Variants in PDLIM5 observed in about 807,000 individuals in gnomAD.
The protein encoded by PDLIM5 is PDZ and LIM domain protein 5.
PDLIM5 carries 34 observed loss-of-function variants against 64.2 expected under a neutral mutation model. The ratio of observed to expected loss-of-function variants is 0.53; its 90% CI spans 0.40 to 0.71. The LOEUF is 0.71. PDLIM5 is among the 30% of genes least tolerant of loss of function. PDLIM5 has a pLI of 0.00. For synonymous variants in PDLIM5, 253 were observed against 269.1 expected, an observed-to-expected ratio of 0.94 and a Z score of 0.59; for missense variants, 683 against 733.6, an observed-to-expected ratio of 0.93 and a Z score of 0.80.
chr4:94,567,508 AT>A (rs35850642), intron 3 of PDLIM5, among the ~76,000 whole-genome samples: 92,328 of 148,052 alleles, frequency 0.62, 29,530 homozygotes, highest in African/African-American at 0.8. Context: ...GTACAGATTG[AT>A]TTTTTTTTTT....
intron 3 of PDLIM5, among the ~76,000 whole-genome samples, chr4:94,552,107 G>C (rs555379307): frequency 6.6e-6 from 1 of 152,212 alleles, no homozygotes; most frequent in South Asian, 2.1e-4. Flanking sequence ...TTGTAGCTAG[G>C]ATGAGCTGTG....
chr4:94,596,790 T>A (rs188617730), intron 7 of PDLIM5, among the ~76,000 whole-genome samples: 8 of 152,212 alleles, frequency 5.3e-5, no homozygotes, highest in Admixed American at 5.2e-4. Flanking sequence ...GTATAAAGCA[T>A]ATGACAGGTA....
intron 2 of PDLIM5, among the ~76,000 whole-genome samples, chr4:94,477,920 T>TC (rs1301484176): frequency 2.6e-4 from 39 of 152,206 alleles, no homozygotes; most frequent in Non-Finnish European, 2.9e-5. Context: ...GAATATTTTT[T>TC]CTCATGCTTT....
chr4:94,547,114 T>C (rs1319113516), intron 3 of PDLIM5, among the ~76,000 whole-genome samples: 1 of 152,092 alleles, frequency 6.6e-6, no homozygotes, highest in Non-Finnish European at 1.5e-5. Flanking sequence ...CTATAACATT[T>C]TCATAAAAGT....
rs558380661 is a variant in PDLIM5, at chr4:94,664,317, T to G, written c.*250T>G. 472 of 772,752 alleles carry G rather than the reference T, an allele frequency of 6.1e-4. 2 individuals carry two copies. The African/African-American group carries it at 8.2e-3, about 13-fold the overall frequency. 47.9% of individuals were successfully genotyped at this position (772,752 alleles called of 1,614,324 possible). ...TAAAATAAGCTTTATAAAAACCAAT[T>G]TCCTGATGGACTATTAAATTCATCT... On this transcript the variant is annotated 3_prime_UTR_variant, in exon 13 of 13. Transcript: ENST00000317968.
At chr4:94,573,465 TCTC>T in intron 4 of PDLIM5, 72 bp downstream of exon 4, 7 of 1,123,968 alleles carry the variant, frequency 6.2e-6, no homozygotes, top group Non-Finnish European at 9.6e-6. Context: ...CCCATTACTG[TCTC>T]AGACCATACT....
At chr4:94,590,587 G>A (rs1383484699) in intron 7 of PDLIM5, among the ~76,000 whole-genome samples, 1 of 152,168 alleles carries the variant, frequency 6.6e-6, no homozygotes, top group African/African-American at 2.4e-5. Flanking sequence ...AGTCAGGGAA[G>A]GATTACTTTA....
intron 7 of PDLIM5, among the ~76,000 whole-genome samples, chr4:94,612,219 A>G (rs1738426145): frequency 1.3e-5 from 2 of 152,244 alleles, no homozygotes; most frequent in African/African-American, 4.8e-5. Flanking sequence ...CTCTGTCTCA[A>G]AAAACAAAAA....
At chr4:94,498,513 C>T (rs990463734) in intron 2 of PDLIM5, among the ~76,000 whole-genome samples, 2 of 152,178 alleles carry the variant, frequency 1.3e-5, no homozygotes, top group Non-Finnish European at 2.9e-5. Flanking sequence ...AGAAGTAGCA[C>T]ATTTATGAGA....
chr4:94,488,462 T>A (rs1726553623), intron 2 of PDLIM5, among the ~76,000 whole-genome samples: 1 of 152,216 alleles, frequency 6.6e-6, no homozygotes, highest in Non-Finnish European at 1.5e-5. Flanking sequence ...ATAATTTTTT[T>A]AAAGTAAACC....
At chr4:94,587,621 G>T in intron 7 of PDLIM5, 1 of 975,756 alleles carries the variant, frequency 1.0e-6, no homozygotes, top group Non-Finnish European at 1.2e-6. Flanking sequence ...TGTAGATTTA[G>T]GTATCTTTTA....
At chr4:94,540,118 A>C (rs942357392) in intron 3 of PDLIM5, among the ~76,000 whole-genome samples, 1 of 149,900 alleles carries the variant, frequency 6.7e-6, no homozygotes, top group Non-Finnish European at 1.5e-5. Flanking sequence ...TGAGGCATAG[A>C]TGCTACTATT....
At chr4:94,486,364 G>C (rs1178336136) in intron 2 of PDLIM5, among the ~76,000 whole-genome samples, 2 of 152,132 alleles carry the variant, frequency 1.3e-5, no homozygotes, top group Non-Finnish European at 2.9e-5. Context: ...TTGTGAGTAG[G>C]ATACATTGAA....
intron 2 of PDLIM5, among the ~76,000 whole-genome samples, chr4:94,459,346 G>A (rs1578191054): frequency 6.6e-6 from 1 of 152,156 alleles, no homozygotes; most frequent in East Asian, 1.9e-4. Context: ...TAAGAATTAG[G>A]TCAAACTTTT....
chr4:94,480,038 T>G (rs566845018), intron 2 of PDLIM5, among the ~76,000 whole-genome samples: 45 of 152,308 alleles, frequency 3.0e-4, no homozygotes, highest in Middle Eastern at 3.4e-3. Flanking sequence ...TAGTAGAAGA[T>G]CACTAAATCA....
At chr4:94,611,530 A>G (rs1738366373) in intron 7 of PDLIM5, among the ~76,000 whole-genome samples, 1 of 152,244 alleles carries the variant, frequency 6.6e-6, no homozygotes, top group Admixed American at 6.5e-5. Flanking sequence ...TAGAATCCTC[A>G]AATGTTTGGT....
chr4:94,579,463 G>C, intron 5 of PDLIM5: 1 of 874,382 alleles, frequency 1.1e-6, no homozygotes, highest in East Asian at 2.8e-5. Flanking sequence ...ACCTGGCCTT[G>C]GAAGATTAAA....
intron 8 of PDLIM5, among the ~76,000 whole-genome samples, chr4:94,633,984 C>A (rs899766379): frequency 1.3e-5 from 2 of 152,028 alleles, no homozygotes; most frequent in South Asian, 4.2e-4. Flanking sequence ...ATCAGAAGCA[C>A]GCTGGCCAGT....
chr4:94,522,687 A>G (rs974462133), intron 2 of PDLIM5, among the ~76,000 whole-genome samples: 3 of 152,214 alleles, frequency 2.0e-5, no homozygotes, highest in African/African-American at 7.2e-5. Context: ...CACTGAATAT[A>G]GTCACGGTGT....
Sources: gnomAD v4.1 joint callset for allele counts (sites outside exome capture counted in the v4.1 genomes callset) on GRCh38, gnomAD v4.1.1 for gene constraint, MANE v1.5 for transcripts, NCBI Gene and HGNC (gene_info 2026-07-23, HGNC 2026-07-21) for gene names.